PCDHA5: variants seen among roughly 807,000 people sequenced by gnomAD.
PCDHA5 encodes protocadherin alpha 5.
A neutral mutation model predicts 61.6 loss-of-function variants in PCDHA5; 43 were observed. That is an observed-to-expected ratio of 0.70 (90% CI 0.55 to 0.90). The LOEUF (loss-of-function observed/expected upper bound fraction) is 0.90. PCDHA5 is among the 40% of genes least tolerant of loss of function. The probability of loss-of-function intolerance (pLI) is 0.00; values close to 1 mark genes in which losing one functional copy is unlikely to be tolerated. For missense variants in PCDHA5, 1,298 were observed against 1,222.7 expected, an observed-to-expected ratio of 1.06 and a Z score of -0.92; for synonymous variants, 627 against 543.9, an observed-to-expected ratio of 1.15 and a Z score of -2.13.
At chr5:140,876,207 C>A (rs251377) in intron 1 of PCDHA5, 776,282 of 1,613,510 alleles carry the variant, frequency 0.48, 188,573 homozygotes, top group South Asian at 0.57. Flanking sequence ...TTGATAAGCC[C>A]AGCTATAAAG....
intron 1 of PCDHA5, among the ~76,000 whole-genome samples, chr5:140,951,473 C>G (rs1009151700): frequency 1.3e-5 from 2 of 151,880 alleles, no homozygotes; most frequent in Non-Finnish European, 2.9e-5. Context: ...TTCTGGGGAG[C>G]CTTCAAGAAT....
intron 1 of PCDHA5, chr5:140,871,261 C>T (rs1554165342): frequency 3.1e-6 from 5 of 1,613,864 alleles, no homozygotes; most frequent in Admixed American, 3.3e-5. Context: ...GTATACGGCG[C>T]TGTGGTGGTC....
intron 1 of PCDHA5, among the ~76,000 whole-genome samples, chr5:140,914,442 CT>C (rs782585142): frequency 1.5e-4 from 23 of 152,072 alleles, no homozygotes; most frequent in Non-Finnish European, 2.9e-4. Context: ...TTTCCCATGT[CT>C]TTATTTTCCA....
intron 1 of PCDHA5, chr5:140,870,745 G>C (rs369212308): frequency 1.9e-6 from 3 of 1,613,530 alleles, no homozygotes; most frequent in Non-Finnish European, 2.5e-6. Context: ...GAGCAGCAAC[G>C]TGACGCTGCA....
rs17844346 is a variant in PCDHA5 at position 140,857,813 on chromosome 5, G to T, written c.2352+33686G>T. On this transcript the variant is annotated intron_variant, in intron 1 of 3. Transcript: ENST00000529859. Reference sequence around the variant, plus strand: ...GCTGCGGTCGGTGGTTGCGGGTCACGTGGTGGCTAAGGTGCGCGCAGTGGA... The same window carrying T: ...GCTGCGGTCGGTGGTTGCGGGTCACTTGGTGGCTAAGGTGCGCGCAGTGGA... 43 of 1,597,700 alleles carry T rather than the reference G, an allele frequency of 2.7e-5. 5 individuals are homozygous for T. The highest frequency in any genetic ancestry group is 1.8e-4 in the East Asian group (8 of 44,836).
intron 1 of PCDHA5, chr5:140,876,435 C>A (rs1380633697): frequency 1.9e-6 from 3 of 1,613,852 alleles, no homozygotes; most frequent in Non-Finnish European, 1.7e-6. Context: ...TTCAGGTTAA[C>A]GCCATTGATA....
intron 1 of PCDHA5, among the ~76,000 whole-genome samples, chr5:140,916,217 A>T (rs1050976167): frequency 6.6e-6 from 1 of 152,132 alleles, no homozygotes; most frequent in Non-Finnish European, 1.5e-5. Context: ...GGAAGATCCA[A>T]ATATGCTTTC....
At chr5:140,970,815 A>G (rs782758365) in intron 1 of PCDHA5, among the ~76,000 whole-genome samples, 2 of 152,114 alleles carry the variant, frequency 1.3e-5, no homozygotes, top group Non-Finnish European at 2.9e-5. Flanking sequence ...TTTCAAGTTC[A>G]TGGTAATCTT....
At chr5:140,841,311 G>A (rs1312688051) in intron 1 of PCDHA5, 11 of 1,582,128 alleles carry the variant, frequency 7.0e-6, no homozygotes, top group Non-Finnish European at 8.6e-6. Context: ...GATAGGAAAC[G>A]ACTATTTAAC....
chr5:140,850,738 G>A lies in PCDHA5; in HGVS notation c.2352+26611G>A. ...GTGTGTTCTAGCGCGGTGGGGAGTT[G>A]GTCGTACTCGCAGCAGAGGAGGCAG... On this transcript the variant is annotated intron_variant, in intron 1 of 3. Transcript: ENST00000529859. 8 of 1,597,962 alleles carry A rather than the reference G, an allele frequency of 5.0e-6. 2 individuals carry two copies. The highest frequency in any genetic ancestry group is 6.9e-6 in the Non-Finnish European group (8 of 1,167,602).
At chr5:140,907,970 A>C (rs1312755290) in intron 1 of PCDHA5, among the ~76,000 whole-genome samples, 3 of 152,158 alleles carry the variant, frequency 2.0e-5, no homozygotes, top group Admixed American at 2.0e-4. Flanking sequence ...CAATTTTCCA[A>C]TCATGCTTCT....
rs1237293055 is a variant in PCDHA5 at position 140,848,212 on chromosome 5, G to T, written c.2352+24085G>T. ...TTCTGTTTCAACAATCATTACTTAA[G>T]AAAAAATTAAGAAAATGAAATAAGT... On this transcript the variant is annotated intron_variant, in intron 1 of 3. Transcript: ENST00000529859. The T allele has an allele frequency of 5.6e-6, 2 of 355,864 alleles. 1 individual carries two copies. Among genetic ancestry groups the T allele is most frequent in the Non-Finnish European group, 1.0e-5 (2 of 196,396 alleles). The allele number at this position is 355,864 out of a possible 1,614,324, so 22.0% of individuals were successfully genotyped here.
At chr5:140,883,349 GA>G in intron 1 of PCDHA5, 1 of 1,614,142 alleles carries the variant, frequency 6.2e-7, no homozygotes, top group Non-Finnish European at 8.5e-7. Flanking sequence ...CCCCATCAGA[GA>G]AGACACTCAG....
intron 1 of PCDHA5, among the ~76,000 whole-genome samples, chr5:140,937,911 CAAAA>C (rs200797202): frequency 8.5e-6 from 1 of 117,894 alleles, no homozygotes; most frequent in Non-Finnish European, 1.9e-5. Context: ...GACTCCGTCT[CAAAA>C]AAAAAAAAAA....
At chr5:140,824,639 T>TTTTTTTTTTTTTTTTTTTGTTTG (rs1554130016) in intron 1 of PCDHA5, 1 of 136,788 alleles carries the variant, frequency 7.3e-6, no homozygotes. Flanking sequence ...TTTTATTTTC[T>TTTTTTTTTTTTTTTTTTTGTTTG]GTAGAGATAG....
Position 140,850,778 on chromosome 5 carries a change from C to T in PCDHA5, c.2352+26651C>T, listed in dbSNP as rs2150497829. On this transcript the variant is annotated intron_variant, in intron 1 of 3. Coordinates refer to ENST00000529859, the MANE Select transcript of PCDHA5 (RefSeq NM_018908.3). ...AGAGGAGGCAGAGGGTGTGCTCTGGCGAGGGTAAGCAGAAGACCGACCTCA... is the reference window on the plus strand; with the variant it reads ...AGAGGAGGCAGAGGGTGTGCTCTGGTGAGGGTAAGCAGAAGACCGACCTCA... 6 of 1,597,938 alleles carry T rather than the reference C, an allele frequency of 3.8e-6. No individual in the cohort carries two copies. The East Asian group carries it at 1.1e-4, about 30-fold the overall frequency.
Position 140,996,899 on chromosome 5 carries a change from C to T in PCDHA5, c.2501-12728C>T, listed in dbSNP as rs529654978. Among the ~76,000 whole-genome samples, 7 of 152,226 alleles carry T rather than the reference C, an allele frequency of 4.6e-5. No individual in the cohort carries two copies. The South Asian group carries it at 1.4e-3, about 32-fold the overall frequency. ...TGTATTTTTAAATAAAATAGAATTA[C>T]ATTGTTGAAGTAAATATTAAAAAAT... is the stretch of plus-strand genomic sequence containing the variant. On this transcript the variant is annotated intron_variant, in intron 3 of 3. Transcript: ENST00000529859.
chr5:140,841,877 A>T, intron 1 of PCDHA5: 1 of 1,613,820 alleles, frequency 6.2e-7, no homozygotes, highest in Non-Finnish European at 8.5e-7. Flanking sequence ...GAATTCAAAG[A>T]ACGATGAGAA....
chr5:140,947,586 A>G (rs958279437), intron 1 of PCDHA5, among the ~76,000 whole-genome samples: 1 of 151,670 alleles, frequency 6.6e-6, no homozygotes, highest in Non-Finnish European at 1.5e-5. Context: ...TAACATTTAG[A>G]TCAATTTAGG....
Sources: gnomAD v4.1 joint callset for allele counts (sites outside exome capture counted in the v4.1 genomes callset) on GRCh38, gnomAD v4.1.1 for gene constraint, MANE v1.5 for transcripts, NCBI Gene and HGNC (gene_info 2026-07-23, HGNC 2026-07-21) for gene names.